CLEC12A: variants seen among roughly 807,000 people sequenced by gnomAD.
The protein encoded by CLEC12A is C-type lectin domain family 12 member A.
In CLEC12A, 22 loss-of-function variants were observed where a neutral mutation model predicts 26.5. The observed-to-expected ratio is 0.83, with a 90% CI of 0.59 to 1.19. The LOEUF (loss-of-function observed/expected upper bound fraction) is 1.19, where lower values mean the gene tolerates loss of function less well. Among genes scored for constraint, CLEC12A ranks in the 50% most tolerant of loss-of-function variants. The probability of loss-of-function intolerance (pLI) is 0.00; values close to 1 mark genes in which losing one functional copy is unlikely to be tolerated. For synonymous variants in CLEC12A, 119 were observed against 101.9 expected, an observed-to-expected ratio of 1.17 and a Z score of -1.01; for missense variants, 353 against 315.6, an observed-to-expected ratio of 1.12 and a Z score of -0.90.
the CLEC12A span, among the ~76,000 whole-genome samples, chr12:10,005,068 T>C: frequency 6.6e-6 from 1 of 152,166 alleles, no homozygotes; most frequent in East Asian, 1.9e-4. Flanking sequence ...TCTACTATTG[T>C]ACTTTCCAAT....
intron 1 of CLEC12A, among the ~76,000 whole-genome samples, chr12:9,965,578 G>A (rs1863919265): frequency 6.6e-6 from 1 of 152,056 alleles, no homozygotes; most frequent in Admixed American, 6.6e-5. Flanking sequence ...AGAATAATGG[G>A]TTGTGGAGGG....
At chr12:9,994,138 T>G (rs1355283896) in intron 4 of CLEC12A, among the ~76,000 whole-genome samples, 4 of 152,096 alleles carry the variant, frequency 2.6e-5, no homozygotes, top group Non-Finnish European at 5.9e-5. Context: ...AAGTGATGTT[T>G]AAATAGAGAC....
intron 1 of CLEC12A, among the ~76,000 whole-genome samples, chr12:9,958,855 TTAAG>T (rs1322442552): frequency 6.6e-6 from 1 of 152,146 alleles, no homozygotes; most frequent in African/African-American, 2.4e-5. Context: ...CCCATATAGA[TTAAG>T]TAAATTTACT....
rs535785554 is a variant in CLEC12A, at chr12:9,980,294, T to TA, written c.380-278dup. Reference sequence around the variant, plus strand: ...GGATTCACTTACTTCCCCTTCGATGTAAAAAAAAAAGAAACGGCATGTAAT... The same window carrying TA: ...GGATTCACTTACTTCCCCTTCGATGTAAAAAAAAAAAGAAACGGCATGTAAT... On this transcript the variant is annotated intron_variant, in intron 3 of 5. Transcript: ENST00000304361. 2.2e-3 allele frequency among the ~76,000 whole-genome samples: 321 copies of TA among 146,490 alleles called. 3 individuals carry two copies. In the East Asian group the frequency reaches 0.044, roughly 20 times the overall value.
chr12:9,957,795 C>A (rs899049773), intron 1 of CLEC12A, among the ~76,000 whole-genome samples: 5 of 152,204 alleles, frequency 3.3e-5, no homozygotes, highest in African/African-American at 1.2e-4. Flanking sequence ...GGGTGAAATT[C>A]AATCGAATAA....
downstream of CLEC12A, chr12:9,999,205 T>G (rs962052235): frequency 7.9e-6 from 6 of 756,402 alleles, no homozygotes; most frequent in Non-Finnish European, 1.4e-5. Context: ...TTCCTGTCTT[T>G]AGTAGGGTAG....
upstream of CLEC12A, among the ~76,000 whole-genome samples, chr12:9,967,589 G>C (rs1268388300): frequency 6.6e-6 from 1 of 152,156 alleles, no homozygotes; most frequent in East Asian, 1.9e-4. Flanking sequence ...AGAGAGAAGA[G>C]AGAGTAGAGA....
downstream of CLEC12A, chr12:9,999,326 T>C: frequency 2.6e-6 from 1 of 387,418 alleles, no homozygotes; most frequent in African/African-American, 2.1e-5. Flanking sequence ...ACAAAAATAA[T>C]AATAACTTGT....
the CLEC12A span, among the ~76,000 whole-genome samples, chr12:10,001,263 C>G: frequency 7.9e-5 from 12 of 152,184 alleles, no homozygotes; most frequent in African/African-American, 2.9e-4. Context: ...TTTTTGTAAA[C>G]CACCAGGAAT....
chr12:9,962,418 C>T (rs980880547), intron 1 of CLEC12A, among the ~76,000 whole-genome samples: 1 of 152,048 alleles, frequency 6.6e-6, no homozygotes, highest in East Asian at 1.9e-4. Context: ...ATTTCTTTCC[C>T]TTTTTTCCGT....
At chr12:9,979,155 A>C (rs1864453022) in intron 2 of CLEC12A, 91 bp downstream of exon 2, 1 of 1,147,414 alleles carries the variant, frequency 8.7e-7, no homozygotes, top group Non-Finnish European at 1.3e-6. Flanking sequence ...GAAGATTTAT[A>C]ATAATGATAG....
chr12:9,993,550 A>G (rs1864950246), intron 4 of CLEC12A, among the ~76,000 whole-genome samples: 1 of 152,174 alleles, frequency 6.6e-6, no homozygotes, highest in Admixed American at 6.5e-5. Flanking sequence ...AGCCCTGAAG[A>G]AGTGATGGAG....
At chr12:9,966,538 C>G (rs1863957519), upstream of CLEC12A, among the ~76,000 whole-genome samples, 1 of 152,112 alleles carries the variant, frequency 6.6e-6, no homozygotes, top group African/African-American at 2.4e-5. Context: ...TAGCAAGCTC[C>G]TGGGGGAGGC....
intron 1 of CLEC12A, among the ~76,000 whole-genome samples, chr12:9,958,263 C>T (rs938108296): frequency 6.6e-6 from 1 of 152,228 alleles, no homozygotes; most frequent in Admixed American, 6.5e-5. Flanking sequence ...CCGGTTGATA[C>T]AGAACCCACG....
chr12:9,979,615 T>C (rs1019455362), intron 3 of CLEC12A, 91 bp downstream of exon 3: 1 of 934,348 alleles, frequency 1.1e-6, no homozygotes, highest in Admixed American at 2.9e-5. Flanking sequence ...CTAGCAGCCT[T>C]TCTCTAGGGA....
chr12:9,956,381 G>T (rs1167495047), intron 1 of CLEC12A, among the ~76,000 whole-genome samples: 1 of 152,136 alleles, frequency 6.6e-6, no homozygotes, highest in Non-Finnish European at 1.5e-5. Context: ...CTTATTCTTA[G>T]TAATCCTAAA....
chr12:9,997,008 A>C, downstream of CLEC12A: 1 of 1,613,590 alleles, frequency 6.2e-7, no homozygotes, highest in Non-Finnish European at 8.5e-7. Context: ...CTTCTGGAGA[A>C]ACCAAGCACA....
downstream of CLEC12A, among the ~76,000 whole-genome samples, chr12:9,986,474 A>T (rs1441182914): frequency 7.0e-6 from 1 of 143,084 alleles, no homozygotes; most frequent in African/African-American, 2.5e-5. Context: ...TGTGTGCAAA[A>T]TAAGTTTTCG....
chr12:9,972,203 T>G (rs533316474), intron 1 of CLEC12A, among the ~76,000 whole-genome samples: 5 of 152,008 alleles, frequency 3.3e-5, no homozygotes, highest in Admixed American at 3.3e-4. Context: ...TACTAAAAAA[T>G]AAAACATGTT....
Sources: allele counts gnomAD v4.1 joint callset (sites outside exome capture counted in the v4.1 genomes callset), GRCh38; gene constraint gnomAD v4.1.1; transcripts MANE v1.5; gene names NCBI Gene and HGNC (gene_info 2026-07-23, HGNC 2026-07-21).